MEFV: variants seen among roughly 807,000 people sequenced by gnomAD.
MEFV encodes the protein MEFV innate immunity regulator, pyrin, also known as pyrin.
MEFV carries 60 observed loss-of-function variants against 62.5 expected under a neutral mutation model. The ratio of observed to expected loss-of-function variants is 0.96; its 90% CI spans 0.78 to 1.19. MEFV has a LOEUF of 1.19. Ranked by LOEUF, MEFV falls within the 50% of genes most tolerant of loss-of-function variation. MEFV has a pLI of 0.00. For synonymous variants in MEFV, 500 were observed against 415.2 expected, an observed-to-expected ratio of 1.20 and a Z score of -2.48; for missense variants, 1,169 against 1,004.5, an observed-to-expected ratio of 1.16 and a Z score of -2.21.
In MEFV at chr16:3,247,234, C is replaced by A; in HGVS notation, c.1369G>T (p.Ala457Ser). 1.2e-6 allele frequency: 2 copies of A among 1,614,126 alleles called. No homozygotes were observed. Among genetic ancestry groups the A allele is most frequent in the Non-Finnish European group, 1.7e-6 (2 of 1,180,026 alleles). ...KAVSFLKQTE[A>S]LKQRVQRKLE... is the part of the protein sequence containing the mutation. The stretch of plus-strand genomic sequence containing the variant: ...TTCCTCTGCACCCGCTGCTTCAGCG[C>A]TTCAGTTTGTTTCTGGGGAGCAGAG... Residue 457 changes from alanine (A) to serine (S), a missense_variant, in exon 5 of 10, where the codon GCG (alanine) becomes TCG (serine). Coordinates refer to ENST00000219596, the MANE Select transcript of MEFV (RefSeq NM_000243.3).
intron 8 of MEFV, 169 bp downstream of exon 8, chr16:3,244,085 T>G (rs1958903043): frequency 1.3e-6 from 2 of 1,551,656 alleles, no homozygotes; most frequent in Non-Finnish European, 1.7e-6. Flanking sequence ...GTCAACTCAG[T>G]CAATGAGTCA....
At position 3,254,519 on chromosome 16, in the gene MEFV, C is replaced by T. The variant is rs587781035; in HGVS notation, c.549G>A (p.Pro183=). 179 of 1,556,050 alleles carry T rather than the reference C, an allele frequency of 1.2e-4. No individual in the cohort carries two copies. Among genetic ancestry groups the T allele is most frequent in the Non-Finnish European group, 1.3e-4 (153 of 1,154,734 alleles). Residue 183 remains proline, a synonymous_variant, in exon 2 of 10, where the codon CCG becomes CCA. Coordinates refer to ENST00000219596, the MANE Select transcript of MEFV (RefSeq NM_000243.3). ...GKPRTRSPAL[P]GGRSPGPCRA... is the part of the protein sequence containing the mutation. Reference sequence around the variant, plus strand: ...TGCAGGGGCCGGGGCTTCTCCCGCCCGGCAGGGCCGGGCTCCGGGTCCGAG... The same window carrying T: ...TGCAGGGGCCGGGGCTTCTCCCGCCTGGCAGGGCCGGGCTCCGGGTCCGAG...
rs1958882762 is a variant in MEFV at position 3,243,203 on chromosome 16, C to T, written c.2284G>A (p.Asp762Asn). The change falls in exon 10 of 10, where the codon GAT becomes AAT. Residue 762 changes from aspartate (D) to asparagine (N), a missense_variant. Transcript: ENST00000219596. Reference protein sequence around the residue: ...LQPIFSPGTRDGGKNTAPLTI... With the variant: ...LQPIFSPGTRNGGKNTAPLTI... ...AGAGGAGCTGTGTTCTTCCCTCCATCACGTGTCCCAGGGCTGAAGATAGGT... is the reference window on the plus strand; with the variant it reads ...AGAGGAGCTGTGTTCTTCCCTCCATTACGTGTCCCAGGGCTGAAGATAGGT... 1 of 1,614,028 alleles carries T rather than the reference C, an allele frequency of 6.2e-7. No homozygotes were observed. The highest frequency in any genetic ancestry group is 1.7e-5 in the Admixed American group (1 of 59,996).
chr16:3,246,868 A>G, intron 5 of MEFV, 148 bp downstream of exon 5: 1 of 815,888 alleles, frequency 1.2e-6, no homozygotes, highest in South Asian at 1.4e-5. Flanking sequence ...TGGGCACAAG[A>G]GGCACTGTGG....
intron 1 of MEFV, among the ~76,000 whole-genome samples, chr16:3,256,003 G>C (rs1369744002): frequency 2.0e-5 from 3 of 152,086 alleles, no homozygotes; most frequent in Non-Finnish European, 4.4e-5. Flanking sequence ...AGAGATGTTT[G>C]TCTGACATGA....
rs1416386978 is a variant in MEFV at position 3,243,043 on chromosome 16, T to C, written c.*98A>G. ...GTAACTATTTTGTTATTTTTGCATT[T>C]CCCATAGCAGCTAGCACCTAGTCGG... On this transcript the variant is annotated 3_prime_UTR_variant, in exon 10 of 10. Coordinates refer to ENST00000219596, the MANE Select transcript of MEFV (RefSeq NM_000243.3). 7.2e-7 allele frequency: 1 copy of C among 1,386,838 alleles called. No individual in the cohort carries two copies. Among genetic ancestry groups the C allele is most frequent in the Non-Finnish European group, 1.0e-6 (1 of 983,198 alleles). The allele number at this position is 1,386,838 out of a possible 1,614,324, so 85.9% of individuals were successfully genotyped here.
At chr16:3,254,889 A>G in intron 1 of MEFV, 99 bp from the exon 2 acceptor site, 1 of 1,587,866 alleles carries the variant, frequency 6.3e-7, no homozygotes, top group South Asian at 1.1e-5. Context: ...ATTAAAGTTT[A>G]GAAATTGAGG....
chr16:3,243,746 CA>C, intron 9 of MEFV, 52 bp from the exon 10 acceptor site: 1 of 1,611,422 alleles, frequency 6.2e-7, no homozygotes, highest in Non-Finnish European at 8.5e-7. Flanking sequence ...AACATCCCTA[CA>C]GGGTTCTCCC....
rs1308601166 is a variant in MEFV, at chr16:3,249,020, T to G, written c.1261-16A>C. The G allele has an allele frequency of 6.2e-7, 1 of 1,613,236 alleles. No individual in the cohort carries two copies. Among genetic ancestry groups the G allele is most frequent in the African/African-American group, 1.3e-5 (1 of 74,918 alleles). ...GAATTTTCTTCTGGAAAAACAGCAC[T>G]TGTTGAAAAGCTTGAATTTGGCTCC... On this transcript the variant is annotated splice_polypyrimidine_tract_variant and intron_variant, in intron 3 of 9. Coordinates refer to ENST00000219596, the MANE Select transcript of MEFV (RefSeq NM_000243.3).
chr16:3,246,806 C>A (rs755647694), intron 5 of MEFV, among the ~76,000 whole-genome samples: 3 of 152,236 alleles, frequency 2.0e-5, no homozygotes, highest in Non-Finnish European at 4.4e-5. Context: ...TGGCAGAGAT[C>A]CCCTGGATAC....
intron 2 of MEFV, 49 bp from the exon 3 acceptor site, chr16:3,249,829 T>C: frequency 6.7e-7 from 1 of 1,494,858 alleles, no homozygotes; most frequent in Non-Finnish European, 9.2e-7. Context: ...CCCAAGTTGC[T>C]TACACAGAGG....
chr16:3,254,479 C>A lies in MEFV; in HGVS notation c.589G>T (p.Gly197Cys), dbSNP rs765450054. The A allele has an allele frequency of 6.3e-7, 1 of 1,592,086 alleles. No individual in the cohort carries two copies. Among genetic ancestry groups the A allele is most frequent in the South Asian group, 1.1e-5 (1 of 90,140 alleles). ...SPGPCRALEG[G>C]QAEVRLRRNA... ...CTGCGCAGCCGGACCTCGGCCTGGCCCCCCTCTAGCGCCCTGCAGGGGCCG... is the reference window on the plus strand; with the variant it reads ...CTGCGCAGCCGGACCTCGGCCTGGCACCCCTCTAGCGCCCTGCAGGGGCCG... The change falls in exon 2 of 10, where the codon GGC becomes TGC. Residue 197 changes from glycine to cysteine, a missense_variant. By Grantham distance (159) the Gly-to-Cys change is radical (BLOSUM62 -3). Transcript: ENST00000219596.
intron 6 of MEFV, among the ~76,000 whole-genome samples, chr16:3,246,017 G>A (rs1264777554): frequency 2.6e-5 from 4 of 152,192 alleles, no homozygotes; most frequent in African/African-American, 7.2e-5. Context: ...GTTACAACAC[G>A]GATGAAGCCC....
intron 2 of MEFV, among the ~76,000 whole-genome samples, chr16:3,251,145 G>C (rs1319966895): frequency 6.6e-6 from 1 of 151,690 alleles, no homozygotes; most frequent in African/African-American, 2.4e-5. Flanking sequence ...ACTGCTAGTA[G>C]TCACCAGAAA....
intron 4 of MEFV, 149 bp from the exon 5 acceptor site, chr16:3,247,395 T>G (rs1300424109): frequency 6.1e-6 from 4 of 650,758 alleles, no homozygotes; most frequent in Non-Finnish European, 1.1e-5. Flanking sequence ...CAGGAGGCGA[T>G]ATTGTCTGGA....
At chr16:3,249,809 G>C (rs1316542720) in intron 2 of MEFV, 29 bp from the exon 3 acceptor site, 1 of 1,592,778 alleles carries the variant, frequency 6.3e-7, no homozygotes, top group African/African-American at 1.3e-5. Context: ...AAAACCCCCT[G>C]AATGGCAAAC....
At chr16:3,245,066 C>T (rs172790) in intron 6 of MEFV, among the ~76,000 whole-genome samples, 88,996 of 151,880 alleles carry the variant, frequency 0.59, 26,355 homozygotes, top group South Asian at 0.73. Context: ...GCAGTGGGAT[C>T]GCTTGAGCCC....
chr16:3,243,159 A>G lies in MEFV; in HGVS notation c.2328T>C (p.Gly776=). Residue 776 remains glycine, a synonymous_variant, in exon 10 of 10, where the codon GGT becomes GGC. Coordinates refer to ENST00000219596, the MANE Select transcript of MEFV (RefSeq NM_000243.3). ...NTAPLTICPV[G]GQGPD ...TGGGCATTCAGTCAGGCCCCTGACC[A>G]CCCACTGGACAGATAGTCAGAGGAG... The G allele has an allele frequency of 6.2e-7, 1 of 1,613,702 alleles. No individual in the cohort carries two copies. The highest frequency in any genetic ancestry group is 8.5e-7 in the Non-Finnish European group (1 of 1,180,012).
intron 6 of MEFV, among the ~76,000 whole-genome samples, chr16:3,245,224 C>T (rs1958922457): frequency 6.6e-6 from 1 of 151,924 alleles, no homozygotes; most frequent in African/African-American, 2.4e-5. Flanking sequence ...GGAAGCTGAG[C>T]CTGCAGTGAG....
Sources: gnomAD v4.1 joint callset for allele counts (sites outside exome capture counted in the v4.1 genomes callset) on GRCh38, gnomAD v4.1.1 for gene constraint, MANE v1.5 for transcripts, NCBI Gene and HGNC (gene_info 2026-07-23, HGNC 2026-07-21) for gene names.